The following TMEM176A variants were observed in gnomAD, a reference collection of about 807,000 sequenced individuals.
TMEM176A encodes hepatocellular carcinoma-associated antigen 112.
A neutral mutation model predicts 27.9 loss-of-function variants in TMEM176A; 20 were observed. That is an observed-to-expected ratio of 0.72 (90% CI 0.50 to 1.04). TMEM176A has a LOEUF of 1.04. TMEM176A is among the 50% of genes least tolerant of loss of function. The pLI is 0.00. For missense variants in TMEM176A, 252 were observed against 289.1 expected, an observed-to-expected ratio of 0.87 and a Z score of 0.93; for synonymous variants, 125 against 118.0, an observed-to-expected ratio of 1.06 and a Z score of -0.38.
intron 2 of TMEM176A, 70 bp from the exon 3 acceptor site, chr7:150,802,145 G>T: frequency 2.5e-6 from 3 of 1,214,452 alleles, no homozygotes; most frequent in Non-Finnish European, 3.6e-6. Context: ...TCTTTTTGGG[G>T]TTTTAGCGGT....
chr7:150,803,118 G>A, intron 3 of TMEM176A: 1 of 1,130,152 alleles, frequency 8.8e-7, no homozygotes, highest in Non-Finnish European at 1.1e-6. Flanking sequence ...CTTTCATAAA[G>A]CACTTGGTGT....
intron 3 of TMEM176A, 110 bp from the exon 4 acceptor site, chr7:150,803,290 A>C: frequency 2.1e-6 from 3 of 1,441,128 alleles, no homozygotes; most frequent in Non-Finnish European, 2.7e-6. Flanking sequence ...CTTAGCATGA[A>C]ACCTCCCGCC....
chr7:150,803,905 G>A (rs1798870560), intron 5 of TMEM176A, 73 bp downstream of exon 5: 7 of 1,437,370 alleles, frequency 4.9e-6, no homozygotes, highest in Admixed American at 3.8e-5. Context: ...GCAAGAGTCA[G>A]GTTCTCCACC....
Position 150,804,436 on chromosome 7 carries a change from G to A in TMEM176A, c.630G>A (p.Leu210=), listed in dbSNP as rs144129264. ...ILLLLASLTP[L]WLYCWRMFPT... is the part of the protein sequence containing the mutation. ...TGCTTCTGGCATCTCTGACCCCTCTGTGGCTGTACTGCTGGAGAATGTTCC... is the reference window on the plus strand; with the variant it reads ...TGCTTCTGGCATCTCTGACCCCTCTATGGCTGTACTGCTGGAGAATGTTCC... Residue 210 remains leucine (L), a synonymous_variant, in exon 6 of 7, where the codon CTG becomes CTA. Coordinates refer to ENST00000004103, the MANE Select transcript of TMEM176A (RefSeq NM_018487.3). The A allele has an allele frequency of 1.9e-4, 303 of 1,614,178 alleles. 2 individuals are homozygous for A. The East Asian group carries it at 4.9e-3, about 26-fold the overall frequency.
rs138265398 is a variant in TMEM176A, at chr7:150,803,956, G to T, written c.555+124G>T. On this transcript the variant is annotated intron_variant, in intron 5 of 6. Coordinates refer to ENST00000004103, the MANE Select transcript of TMEM176A (RefSeq NM_018487.3). Reference sequence around the variant, plus strand: ...CTATTCTGCACCAAGCTTGCGTATTGTCACCAAAGACAAAGCATCAGACAA... The same window carrying T: ...CTATTCTGCACCAAGCTTGCGTATTTTCACCAAAGACAAAGCATCAGACAA... 9.1e-3 allele frequency: 7,616 copies of T among 832,512 alleles called. 53 individuals are homozygous for T. The highest frequency in any genetic ancestry group is 0.012 in the Non-Finnish European group (6,501 of 538,068). The allele number at this position is 832,512 out of a possible 1,614,324, so 51.6% of individuals were successfully genotyped here. A position where few individuals can be genotyped will look rare whatever the true frequency, so the allele number is the denominator to read the frequency against.
rs1215804176 is a variant in TMEM176A, at chr7:150,803,385, T to C, written c.286-15T>C. Reference sequence around the variant, plus strand: ...TTCCTGTACTAAGCCTGCTCCTGGCTCAATCTCTCCCCAGGCTGTGCTGGC... The same window carrying C: ...TTCCTGTACTAAGCCTGCTCCTGGCCCAATCTCTCCCCAGGCTGTGCTGGC... On this transcript the variant is annotated splice_polypyrimidine_tract_variant and intron_variant, in intron 3 of 6. Coordinates refer to ENST00000004103, the MANE Select transcript of TMEM176A (RefSeq NM_018487.3). 1.3e-6 allele frequency: 2 copies of C among 1,558,902 alleles called. No homozygotes were observed. The highest frequency in any genetic ancestry group is 1.7e-6 in the Non-Finnish European group (2 of 1,156,902).
chr7:150,804,968 A>T lies in TMEM176A; in HGVS notation c.*100A>T, dbSNP rs1280903484. ...CCAGACTGAGGAAAAGAGGCTCTTC[A>T]ACAGCCCCAGTTATCCTGGCCCCAT... On this transcript the variant is annotated 3_prime_UTR_variant, in exon 7 of 7. Coordinates refer to ENST00000004103, the MANE Select transcript of TMEM176A (RefSeq NM_018487.3). 7.7e-7 allele frequency: 1 copy of T among 1,301,568 alleles called. No individual in the cohort carries two copies. The highest frequency in any genetic ancestry group is 1.5e-5 in the African/African-American group (1 of 68,630). 80.6% of individuals were successfully genotyped at this position (1,301,568 alleles called of 1,614,324 possible).
chr7:150,803,836 G>A lies in TMEM176A; in HGVS notation c.555+4G>A, dbSNP rs1798869158. The A allele has an allele frequency of 4.3e-6, 7 of 1,613,432 alleles. No homozygotes were observed. Among genetic ancestry groups the A allele is most frequent in the Non-Finnish European group, 5.9e-6 (7 of 1,179,754 alleles). ...CTCCTTCATGGACATGCTGAAGGTAGGTGGCCAAGGGGAAGGGGCAGCAGC... is the reference window on the plus strand; with the variant it reads ...CTCCTTCATGGACATGCTGAAGGTAAGTGGCCAAGGGGAAGGGGCAGCAGC... On this transcript the variant is annotated splice_donor_region_variant and intron_variant, in intron 5 of 6. Transcript: ENST00000004103.
At chr7:150,804,307 G>A (rs1798876009) in intron 5 of TMEM176A, 55 bp from the exon 6 acceptor site, 2 of 1,405,284 alleles carry the variant, frequency 1.4e-6, no homozygotes, top group Middle Eastern at 1.8e-4. Flanking sequence ...CATGGGGACA[G>A]AGCAGGAAGG....
At chr7:150,804,296 G>A in intron 5 of TMEM176A, 66 bp from the exon 6 acceptor site, 2 of 1,312,534 alleles carry the variant, frequency 1.5e-6, no homozygotes, top group Non-Finnish European at 2.2e-6. Flanking sequence ...TCAATAAGGA[G>A]CATGGGGACA....
chr7:150,802,367 T>TGG, intron 3 of TMEM176A, 42 bp downstream of exon 3: 1 of 1,558,874 alleles, frequency 6.4e-7, no homozygotes, highest in Middle Eastern at 1.7e-4. Context: ...GTGAGAGGGG[T>TGG]GGGGCATTGC....
chr7:150,803,431 A>C lies in TMEM176A; in HGVS notation c.317A>C (p.Tyr106Ser), dbSNP rs574687415. ...CTGGCTGGAGCTGCTGCCTTCATTT[A>C]CGAGAAACGGGGTGGTACATACTGG... Reference protein sequence around the residue: ...AVLAGAAAFIYEKRGGTYWAL... With the variant: ...AVLAGAAAFISEKRGGTYWAL... Residue 106 changes from tyrosine to serine, a missense_variant, in exon 4 of 7, where the codon TAC becomes TCC. Coordinates refer to ENST00000004103, the MANE Select transcript of TMEM176A (RefSeq NM_018487.3). 1.3e-6 allele frequency: 2 copies of C among 1,596,854 alleles called. No individual in the cohort carries two copies. The highest frequency in any genetic ancestry group is 3.5e-5 in the Admixed American group (2 of 57,708).
intron 2 of TMEM176A, 96 bp downstream of exon 2, chr7:150,801,820 C>T (rs1256575534): frequency 1.8e-5 from 22 of 1,198,604 alleles, no homozygotes; most frequent in Non-Finnish European, 2.5e-5. Flanking sequence ...AACAGGACAC[C>T]GAGCCAGTTA....
chr7:150,804,508 C>A, intron 6 of TMEM176A, 36 bp downstream of exon 6: 3 of 1,554,528 alleles, frequency 1.9e-6, no homozygotes, highest in Non-Finnish European at 2.7e-6. Context: ...GTATTTGGGG[C>A]AGTGGAACTG....
intron 2 of TMEM176A, 177 bp downstream of exon 2, chr7:150,801,901 G>A (rs1798807173): frequency 1.4e-6 from 1 of 716,268 alleles, no homozygotes; most frequent in East Asian, 2.7e-5. Context: ...GCTCTGGGCT[G>A]AAGGGGTGTG....
chr7:150,801,926 C>G, intron 2 of TMEM176A: 1 of 643,122 alleles, frequency 1.6e-6, no homozygotes, highest in Non-Finnish European at 2.6e-6. Context: ...AGCCACTGAC[C>G]ATGCAGAGTC....
At chr7:150,802,513 T>C in intron 3 of TMEM176A, 188 bp downstream of exon 3, 1 of 694,596 alleles carries the variant, frequency 1.4e-6, no homozygotes. Flanking sequence ...ATTCACACTG[T>C]CTGCTCTCCC....
intron 5 of TMEM176A, among the ~76,000 whole-genome samples, chr7:150,804,082 A>G (rs758842338): frequency 5.9e-5 from 9 of 152,226 alleles, no homozygotes; most frequent in African/African-American, 1.9e-4. Flanking sequence ...AGTGCTGCAA[A>G]GGTGTTAAAT....
Position 150,803,715 on chromosome 7 carries a change from T to C in TMEM176A, c.438T>C (p.Tyr146=), listed in dbSNP as rs1340020054. ...AAGATTTCCGATATGGCTACTCTTATTACAACAGTGCCTGCCGCATCTCCA... is the reference window on the plus strand; with the variant it reads ...AAGATTTCCGATATGGCTACTCTTACTACAACAGTGCCTGCCGCATCTCCA... ...WNEDFRYGYS[Y]YNSACRISSS... Residue 146 remains tyrosine, a synonymous_variant, in exon 5 of 7, where the codon TAT becomes TAC. Transcript: ENST00000004103. 5 of 1,614,084 alleles carry C rather than the reference T, an allele frequency of 3.1e-6. No homozygotes were observed. The highest frequency in any genetic ancestry group is 1.3e-5 in the African/African-American group (1 of 74,934).
Sources: allele counts gnomAD v4.1 joint callset (sites outside exome capture counted in the v4.1 genomes callset), GRCh38; gene constraint gnomAD v4.1.1; transcripts MANE v1.5; gene names NCBI Gene and HGNC (gene_info 2026-07-23, HGNC 2026-07-21).